VPS8: variants seen among roughly 807,000 people sequenced by gnomAD.
VPS8 encodes the protein vacuolar protein sorting-associated protein 8 homolog.
VPS8 carries 129 observed loss-of-function variants against 216.4 expected under a neutral mutation model. That is an observed-to-expected ratio of 0.60 (90% CI 0.52 to 0.69). The LOEUF is 0.69. VPS8 is among the 30% of genes least tolerant of loss of function. The probability of loss-of-function intolerance (pLI) is 0.00; values close to 1 mark genes in which losing one functional copy is unlikely to be tolerated. For synonymous variants in VPS8, 571 were observed against 565.4 expected, an observed-to-expected ratio of 1.01 and a Z score of -0.14; for missense variants, 1,531 against 1,683.5, an observed-to-expected ratio of 0.91 and a Z score of 1.59.
At chr3:184,873,893 G>A (rs549599531) in intron 21 of VPS8, among the ~76,000 whole-genome samples, 7 of 152,286 alleles carry the variant, frequency 4.6e-5, no homozygotes, top group African/African-American at 1.4e-4. Context: ...TCTTGATTAA[G>A]TGTGGAGTAT....
intron 5 of VPS8, chr3:184,835,013 T>A (rs564930281): frequency 5.3e-4 from 151 of 284,076 alleles, no homozygotes; most frequent in Admixed American, 1.7e-3. Context: ...TAAATACTAT[T>A]TGCCTTTTCT....
chr3:184,850,736 AATC>A (rs1446730911), intron 10 of VPS8, among the ~76,000 whole-genome samples: 1 of 152,240 alleles, frequency 6.6e-6, no homozygotes. Context: ...TCTAGATTTT[AATC>A]ATCTACACAT....
intron 46 of VPS8, among the ~76,000 whole-genome samples, chr3:185,032,325 G>A (rs1252220414): frequency 1.3e-5 from 2 of 152,192 alleles, no homozygotes; most frequent in Non-Finnish European, 2.9e-5. Context: ...ATAGAGGTGA[G>A]AGGGCTATTG....
intron 45 of VPS8, among the ~76,000 whole-genome samples, chr3:185,012,283 T>C (rs1486706094): frequency 6.8e-6 from 1 of 147,404 alleles, no homozygotes; most frequent in Non-Finnish European, 1.5e-5. Flanking sequence ...TACATATATC[T>C]ATAATTTATA....
chr3:184,861,769 G>C lies in VPS8; in HGVS notation c.1225-1128G>C, dbSNP rs114728276. On this transcript the variant is annotated intron_variant, in intron 15 of 47. Coordinates refer to ENST00000625842, the MANE Select transcript of VPS8 (RefSeq NM_001009921.3). Reference sequence around the variant, plus strand: ...CAGGAATAATTACTAAACTTATTGAGGTTCATTTTTTTCTGCCATTCTCTT... The same window carrying C: ...CAGGAATAATTACTAAACTTATTGACGTTCATTTTTTTCTGCCATTCTCTT... Among the ~76,000 whole-genome samples, 360 of 152,204 alleles carry C rather than the reference G, an allele frequency of 2.4e-3. 1 individual carries two copies. Among genetic ancestry groups the C allele is most frequent in the African/African-American group, 8.4e-3 (349 of 41,520 alleles).
intron 1 of VPS8, among the ~76,000 whole-genome samples, chr3:184,818,275 T>C (rs1234742708): frequency 6.6e-6 from 1 of 152,174 alleles, no homozygotes; most frequent in African/African-American, 2.4e-5. Flanking sequence ...CTTACACCTG[T>C]AATCCCAGCA....
chr3:184,821,500 C>A (rs1179674310), intron 1 of VPS8, among the ~76,000 whole-genome samples: 1 of 151,968 alleles, frequency 6.6e-6, no homozygotes, highest in Non-Finnish European at 1.5e-5. Flanking sequence ...CACGCCACCA[C>A]GCTTGGCTAA....
chr3:184,887,141 G>T (rs1486644866), intron 22 of VPS8, among the ~76,000 whole-genome samples: 1 of 152,078 alleles, frequency 6.6e-6, no homozygotes, highest in Non-Finnish European at 1.5e-5. Context: ...CCAGGAGTTT[G>T]AGACCAGCCT....
intron 17 of VPS8, 119 bp from the exon 18 acceptor site, chr3:184,867,905 G>A: frequency 3.1e-6 from 3 of 976,604 alleles, no homozygotes; most frequent in Non-Finnish European, 4.6e-6. Context: ...ACTTCTAACT[G>A]TAGTATGAAA....
At chr3:184,884,911 G>T (rs984957860) in intron 21 of VPS8, among the ~76,000 whole-genome samples, 2 of 152,072 alleles carry the variant, frequency 1.3e-5, no homozygotes, top group Non-Finnish European at 2.9e-5. Context: ...ATTTTCTCTA[G>T]CATTTCTAGG....
At position 184,984,194 on chromosome 3, in the gene VPS8, A is replaced by AAAAAAAAAAAAAAAAACTCACCAAG; in HGVS notation, c.3585+1100_3585+1101insAAAAAAAAAAAAAAAACTCACCAAG. Among the ~76,000 whole-genome samples, 164 of 46,524 alleles carry AAAAAAAAAAAAAAAAACTCACCAAG rather than the reference A, an allele frequency of 3.5e-3. 68 individuals carry two copies. The highest frequency in any genetic ancestry group is 6.5e-3 in the African/African-American group (96 of 14,860). The allele number at this position is 46,524 out of a possible 152,430, so 30.5% of individuals were successfully genotyped here. A position where few individuals can be genotyped will look rare whatever the true frequency, so the allele number is the denominator to read the frequency against. On this transcript the variant is annotated intron_variant, in intron 42 of 47. Coordinates refer to ENST00000625842, the MANE Select transcript of VPS8 (RefSeq NM_001009921.3). ...GCGAGACTCCGTCTCAAAAAAAAAA[A>AAAAAAAAAAAAAAAAACTCACCAAG]CTCTACTTCCCATCTGATATTAAGC...
intron 36 of VPS8, among the ~76,000 whole-genome samples, chr3:184,948,573 C>T (rs568449422): frequency 1.3e-5 from 2 of 152,210 alleles, no homozygotes; most frequent in South Asian, 4.1e-4. Context: ...CGGACTTTAC[C>T]AGTAGTAAAT....
intron 21 of VPS8, among the ~76,000 whole-genome samples, chr3:184,879,436 C>A (rs1729886322): frequency 1.3e-5 from 2 of 151,856 alleles, no homozygotes; most frequent in Admixed American, 1.3e-4. Flanking sequence ...GTAGAATATT[C>A]TTAATATTCT....
chr3:184,817,891 A>T (rs1239328722), intron 1 of VPS8, among the ~76,000 whole-genome samples: 5 of 152,240 alleles, frequency 3.3e-5, no homozygotes, highest in African/African-American at 4.8e-5. Flanking sequence ...TAACTAATGA[A>T]TCAGCATGAG....
chr3:184,990,977 C>T (rs1015118934), intron 42 of VPS8, among the ~76,000 whole-genome samples: 1 of 151,248 alleles, frequency 6.6e-6, no homozygotes, highest in African/African-American at 2.4e-5. Context: ...TTTAAAGGAC[C>T]ATATTTTTGT....
chr3:185,041,032 G>C (rs1299699448), intron 46 of VPS8, among the ~76,000 whole-genome samples: 1 of 152,036 alleles, frequency 6.6e-6, no homozygotes, highest in African/African-American at 2.4e-5. Flanking sequence ...GTGAATCCCT[G>C]TCTCTACTGA....
intron 40 of VPS8, among the ~76,000 whole-genome samples, chr3:184,979,932 A>G (rs1343032730): frequency 6.6e-6 from 1 of 152,324 alleles, no homozygotes. Context: ...TGTGGTGGCC[A>G]GTAATAGTCT....
chr3:184,997,479 T>A (rs1281732760), intron 44 of VPS8, among the ~76,000 whole-genome samples: 1 of 152,236 alleles, frequency 6.6e-6, no homozygotes, highest in Admixed American at 6.5e-5. Flanking sequence ...GTAGACTTGA[T>A]GGTTGGAAGG....
chr3:184,895,235 C>G (rs542460041), intron 23 of VPS8, among the ~76,000 whole-genome samples: 2 of 152,252 alleles, frequency 1.3e-5, no homozygotes, highest in Non-Finnish European at 2.9e-5. Flanking sequence ...TAACTGATCC[C>G]TCTTTATCAG....
Sources: allele counts gnomAD v4.1 joint callset (sites outside exome capture counted in the v4.1 genomes callset), GRCh38; gene constraint gnomAD v4.1.1; transcripts MANE v1.5; gene names NCBI Gene and HGNC (gene_info 2026-07-23, HGNC 2026-07-21).